FAM124A: variants seen among roughly 807,000 people sequenced by gnomAD.
The protein encoded by FAM124A is family with sequence similarity 124 member A, also known as protein FAM124A.
A neutral mutation model predicts 24.5 loss-of-function variants in FAM124A; 23 were observed. The ratio of observed to expected loss-of-function variants is 0.94; its 90% CI spans 0.68 to 1.33. The LOEUF (loss-of-function observed/expected upper bound fraction) is 1.33. Among genes scored for constraint, FAM124A ranks in the 40% most tolerant of loss-of-function variants. The pLI is 0.00. For synonymous variants in FAM124A, 287 were observed against 314.7 expected (o/e 0.91, Z 0.93); for missense variants, 623 against 722.8 (o/e 0.86, Z 1.58).
chr13:51,250,524 T>C (rs1248737043), intron 2 of FAM124A, among the ~76,000 whole-genome samples: 1 of 152,220 alleles, frequency 6.6e-6, no homozygotes, highest in African/African-American at 2.4e-5. Context: ...CATGGGAAAC[T>C]GTTGCCAAGT....
chr13:51,229,773 T>C (rs921091219), intron 1 of FAM124A, among the ~76,000 whole-genome samples: 13 of 152,210 alleles, frequency 8.5e-5, no homozygotes, highest in Non-Finnish European at 1.6e-4. Context: ...AGTTTATATA[T>C]AATTACATTT....
chr13:51,263,309 A>G lies in FAM124A; in HGVS notation c.834+11108A>G, dbSNP rs368738975. 1.1e-4 allele frequency among the ~76,000 whole-genome samples: 16 copies of G among 152,346 alleles called. No homozygotes were observed. In the South Asian group the frequency reaches 1.7e-3, roughly 16 times the overall value. The stretch of plus-strand genomic sequence containing the variant: ...GCCTGCTCTCTGTGCATTCCCCAGC[A>G]TGGGATGGAAAAAGGGCCTGAATGG... On this transcript the variant is annotated intron_variant, in intron 3 of 3. Coordinates refer to ENST00000322475, the MANE Select transcript of FAM124A (RefSeq NM_001242312.2).
rs541072385 is a variant in FAM124A, at chr13:51,251,884, C to T, written c.517C>T (p.Arg173Cys). Reference protein sequence around the residue: ...RPVHYGKEIVRFTVYCRYDNY... With the variant: ...RPVHYGKEIVCFTVYCRYDNY... The stretch of plus-strand genomic sequence containing the variant: ...CGTGCACTACGGCAAGGAAATCGTG[C>T]GCTTCACCGTCTACTGTCGCTACGA... Residue 173 changes from arginine (R) to cysteine (C), a missense_variant, in exon 3 of 4, where the codon CGC (arginine) becomes TGC (cysteine). By Grantham distance (180) the Arg-to-Cys change is radical. Coordinates refer to ENST00000322475, the MANE Select transcript of FAM124A (RefSeq NM_001242312.2). This position sits in a 1 kb window ranked among gnomAD's most constrained non-coding sequence, Gnocchi z 5.3. 7 of 1,613,860 alleles carry T rather than the reference C, an allele frequency of 4.3e-6. No homozygotes were observed. The highest frequency in any genetic ancestry group is 1.3e-5 in the African/African-American group (1 of 74,954).
chr13:51,251,757 C>T lies in FAM124A; in HGVS notation c.390C>T (p.His130=), dbSNP rs1285121458. ...CACTGCAGCAGCCGCCCTGGCGCCA[C>T]CACCACACCGAGCAGGTGCACGGCC... is the stretch of plus-strand genomic sequence containing the variant. ...HRTLQQPPWR[H]HHTEQVHGRF... The change falls in exon 3 of 4, where the codon CAC becomes CAT. Residue 130 remains histidine (H), a synonymous_variant. Coordinates refer to ENST00000322475, the MANE Select transcript of FAM124A (RefSeq NM_001242312.2). The surrounding 1 kb of genome is among the most constrained non-coding windows in gnomAD (Gnocchi z 5.3). The T allele has an allele frequency of 2.5e-6, 4 of 1,586,622 alleles. No homozygotes were observed. Among genetic ancestry groups the T allele is most frequent in the African/African-American group, 1.3e-5 (1 of 74,262 alleles).
At chr13:51,257,047 C>T (rs1315000744) in intron 3 of FAM124A, among the ~76,000 whole-genome samples, 1 of 152,142 alleles carries the variant, frequency 6.6e-6, no homozygotes, top group Non-Finnish European at 1.5e-5. Context: ...AATAATATTC[C>T]ATTGCAGGAA....
chr13:51,254,886 A>C (rs1161270482), intron 3 of FAM124A, among the ~76,000 whole-genome samples: 1 of 152,204 alleles, frequency 6.6e-6, no homozygotes, highest in African/African-American at 2.4e-5. Flanking sequence ...AAAAGTTCAC[A>C]TTGTAAATAT....
chr13:51,228,463 T>A (rs1453683004), intron 1 of FAM124A, among the ~76,000 whole-genome samples: 1 of 152,196 alleles, frequency 6.6e-6, no homozygotes, highest in Non-Finnish European at 1.5e-5. Context: ...CTCTATATCG[T>A]GTATAAATTT....
intron 2 of FAM124A, among the ~76,000 whole-genome samples, chr13:51,235,256 C>T (rs1954423733): frequency 6.6e-6 from 1 of 152,076 alleles, no homozygotes. Context: ...ATTTTTACTT[C>T]CAGAATCCTG....
At chr13:51,259,711 G>T (rs1954714096) in intron 3 of FAM124A, among the ~76,000 whole-genome samples, 1 of 152,136 alleles carries the variant, frequency 6.6e-6, no homozygotes, top group African/African-American at 2.4e-5. Flanking sequence ...CTGTAGCACT[G>T]TAAGCTGCCA....
chr13:51,265,250 G>A (rs1178192992), intron 3 of FAM124A, among the ~76,000 whole-genome samples: 4 of 152,166 alleles, frequency 2.6e-5, no homozygotes, highest in African/African-American at 9.7e-5. Context: ...GGGGAGATGT[G>A]CTGGAATCCA....
intron 3 of FAM124A, 83 bp from the exon 4 acceptor site, chr13:51,280,367 T>C: frequency 8.1e-7 from 1 of 1,236,264 alleles, no homozygotes; most frequent in South Asian, 1.7e-5. Context: ...TTGCCAGGAG[T>C]TTCCAATGAT....
Position 51,281,350 on chromosome 13 carries a change from A to G in FAM124A, c.*94A>G. 1 of 1,254,936 alleles carries G rather than the reference A, an allele frequency of 8.0e-7. No homozygotes were observed. Among genetic ancestry groups the G allele is most frequent in the Non-Finnish European group, 1.1e-6 (1 of 932,380 alleles). 77.7% of individuals were successfully genotyped at this position (1,254,936 alleles called of 1,614,324 possible). A position where few individuals can be genotyped will look rare whatever the true frequency, so the allele number is the denominator to read the frequency against. On this transcript the variant is annotated 3_prime_UTR_variant, in exon 4 of 4. Coordinates refer to ENST00000322475, the MANE Select transcript of FAM124A (RefSeq NM_001242312.2). ...GGCCACTGAGCACACCACATTCTTC[A>G]TGATCCATTTCCCAGGAGCCCGTAG...
chr13:51,279,234 C>T (rs1954913155), intron 3 of FAM124A, among the ~76,000 whole-genome samples: 1 of 152,090 alleles, frequency 6.6e-6, no homozygotes, highest in South Asian at 2.1e-4. Flanking sequence ...CTCTTTTATT[C>T]AGCCAATTCA....
chr13:51,235,751 C>T (rs1954429104), intron 2 of FAM124A, among the ~76,000 whole-genome samples: 1 of 152,216 alleles, frequency 6.6e-6, no homozygotes, highest in Non-Finnish European at 1.5e-5. Flanking sequence ...TTGTAGACAG[C>T]AGAAAGCACA....
intron 2 of FAM124A, among the ~76,000 whole-genome samples, chr13:51,237,714 C>T (rs1252143957): frequency 3.3e-5 from 5 of 152,236 alleles, no homozygotes; most frequent in Admixed American, 3.3e-4. Flanking sequence ...TCTTCTGTGG[C>T]TTTTCCTTCA....
intron 1 of FAM124A, chr13:51,225,460 G>A (rs1954306425): frequency 6.6e-6 from 1 of 152,192 alleles, no homozygotes; most frequent in Non-Finnish European, 1.5e-5. Context: ...CTGTGCAGCA[G>A]GTGCTTTTTA....
At chr13:51,269,242 A>T (rs755825062) in intron 3 of FAM124A, among the ~76,000 whole-genome samples, 27 of 152,238 alleles carry the variant, frequency 1.8e-4, no homozygotes, top group Non-Finnish European at 3.1e-4. Context: ...TCCCAGAAAA[A>T]TTTAGAATAG....
chr13:51,271,885 GTT>G (rs1445334508), intron 3 of FAM124A, among the ~76,000 whole-genome samples: 3 of 152,206 alleles, frequency 2.0e-5, no homozygotes, highest in Non-Finnish European at 4.4e-5. Flanking sequence ...CCAGTGGAAG[GTT>G]TTGAGGGTGT....
rs993241160 is a variant in FAM124A at position 51,272,081 on chromosome 13, A to G, written c.835-8369A>G. On this transcript the variant is annotated intron_variant, in intron 3 of 3. Coordinates refer to ENST00000322475, the MANE Select transcript of FAM124A (RefSeq NM_001242312.2). The surrounding 1 kb of genome is among the most constrained non-coding windows in gnomAD (Gnocchi z 4.2). The stretch of plus-strand genomic sequence containing the variant: ...TTGGAGTCTAGGCCAAAAAGCAAGA[A>G]TAGTGATAAGTATCTCACACTTAAA... Among the ~76,000 whole-genome samples, 42 of 152,226 alleles carry G rather than the reference A, an allele frequency of 2.8e-4. No homozygotes were observed. The highest frequency in any genetic ancestry group is 8.4e-4 in the African/African-American group (35 of 41,466).
Sources: gnomAD v4.1 joint callset for allele counts (sites outside exome capture counted in the v4.1 genomes callset) on GRCh38, gnomAD v4.1.1 for gene constraint, Gnocchi (gnomAD v3.1) non-coding constraint, MANE v1.5 for transcripts, NCBI Gene and HGNC (gene_info 2026-07-23, HGNC 2026-07-21) for gene names.